Variants in GEMIN5 observed in about 807,000 individuals in gnomAD.
GEMIN5 encodes gem-associated protein 5.
In GEMIN5, 124 loss-of-function variants were observed where a neutral mutation model predicts 176.9. That is an observed-to-expected ratio of 0.70 (90% CI 0.61 to 0.81). GEMIN5 has a LOEUF of 0.81. Ranked by LOEUF, GEMIN5 falls within the 40% of genes least tolerant of loss-of-function variation. The pLI, the probability that GEMIN5 is intolerant of heterozygous loss-of-function variation, is 0.00. For missense variants in GEMIN5, 1,843 were observed against 1,814.6 expected, an observed-to-expected ratio of 1.02 and a Z score of -0.28; for synonymous variants, 673 against 665.2, an observed-to-expected ratio of 1.01 and a Z score of -0.18.
chr5:154,916,492 TTTTC>T (rs1404659969), intron 13 of GEMIN5, among the ~76,000 whole-genome samples: 4 of 152,068 alleles, frequency 2.6e-5, no homozygotes, highest in African/African-American at 7.2e-5. Context: ...CTTCATTTTT[TTTTC>T]TTTCTTTTTT....
chr5:154,932,388 C>T lies in GEMIN5; in HGVS notation c.510-138G>A, dbSNP rs564769044. The T allele has an allele frequency of 1.3e-5, 8 of 624,270 alleles. No homozygotes were observed. The South Asian group carries it at 1.4e-4, about 11-fold the overall frequency. 38.7% of individuals were successfully genotyped at this position (624,270 alleles called of 1,614,324 possible). A position where few individuals can be genotyped will look rare whatever the true frequency, so the allele number is the denominator to read the frequency against. On this transcript the variant is annotated intron_variant, in intron 3 of 27. Coordinates refer to ENST00000285873, the MANE Select transcript of GEMIN5 (RefSeq NM_015465.5). ...TGGGGTGGCGGAGGAGGGAAGAGGA[C>T]AAAAAATAATTTTGCTTTTTCCTTT...
intron 9 of GEMIN5, among the ~76,000 whole-genome samples, chr5:154,923,760 C>T (rs994863467): frequency 3.3e-5 from 5 of 152,184 alleles, no homozygotes; most frequent in African/African-American, 9.6e-5. Context: ...CCATTAGTCA[C>T]GGATGCCTCT....
In GEMIN5 at chr5:154,891,742, C is replaced by A. The variant is rs751878514; in HGVS notation, c.3761G>T (p.Gly1254Val). 6.4e-7 allele frequency: 1 copy of A among 1,573,614 alleles called. No homozygotes were observed. Among genetic ancestry groups the A allele is most frequent in the African/African-American group, 1.4e-5 (1 of 72,628 alleles). ...QEVYSAFLPD[G>V]CDHLRDKLGD... ...CAACTTGTCTCTTAGGTGGTCACAG[C>A]CTAGGAAAAGAGGAAAAAGATACTG... Residue 1254 changes from glycine (G) to valine (V), a missense_variant and splice_region_variant, in exon 26 of 28, where the codon GGC becomes GTC. Gly to Val is a moderately radical substitution (Grantham distance 109). Transcript: ENST00000285873.
At chr5:154,904,664 G>T in intron 17 of GEMIN5, 35 bp from the exon 18 acceptor site, 1 of 1,549,828 alleles carries the variant, frequency 6.5e-7, no homozygotes, top group Non-Finnish European at 8.9e-7. Context: ...ATCTGAAGGA[G>T]AACTGATCAG....
intron 16 of GEMIN5, among the ~76,000 whole-genome samples, chr5:154,906,585 A>T (rs1017571327): frequency 6.6e-6 from 1 of 152,200 alleles, no homozygotes; most frequent in Non-Finnish European, 1.5e-5. Context: ...AAAAAAAAGA[A>T]AAATAAAGAG....
chr5:154,893,237 G>A (rs1277810243), intron 24 of GEMIN5, among the ~76,000 whole-genome samples: 1 of 136,878 alleles, frequency 7.3e-6, no homozygotes, highest in African/African-American at 2.7e-5. Flanking sequence ...CGGATCACCC[G>A]AGGTGAAAGC....
intron 8 of GEMIN5, among the ~76,000 whole-genome samples, chr5:154,925,144 C>T (rs921152450): frequency 6.6e-6 from 1 of 151,788 alleles, no homozygotes; most frequent in Admixed American, 6.6e-5. Flanking sequence ...AGTTCAAATA[C>T]GTAAATGATA....
At chr5:154,922,516 C>T (rs1034922875) in intron 9 of GEMIN5, among the ~76,000 whole-genome samples, 1 of 152,072 alleles carries the variant, frequency 6.6e-6, no homozygotes, top group Admixed American at 6.6e-5. Context: ...CTAACAATAG[C>T]TCTAGGGCAA....
chr5:154,930,372 T>C (rs913264382), intron 5 of GEMIN5, among the ~76,000 whole-genome samples: 1 of 152,224 alleles, frequency 6.6e-6, no homozygotes, highest in African/African-American at 2.4e-5. Context: ...TAGAAGTACA[T>C]TGCCTTGCTG....
chr5:154,927,350 G>A (rs752241767), intron 7 of GEMIN5, 35 bp downstream of exon 7: 2 of 1,440,540 alleles, frequency 1.4e-6, no homozygotes, highest in East Asian at 4.6e-5. Flanking sequence ...GTAAACTGCT[G>A]CTCTACAATG....
At position 154,898,600 on chromosome 5, in the gene GEMIN5, T is replaced by C. The variant is rs753307822; in HGVS notation, c.3185A>G (p.Lys1062Arg). ...CGTTCTAAGTGATGCCGCATCCCCC[T>C]TTTTGGCCAAAACTTTGGCTGCATC... ...AYDAAKVLAK[K>R]GDAASLRTAA... The change falls in exon 23 of 28, where the codon AAG becomes AGG. Residue 1062 changes from lysine to arginine, a missense_variant. By Grantham distance (26) the Lys-to-Arg change is conservative. Coordinates refer to ENST00000285873, the MANE Select transcript of GEMIN5 (RefSeq NM_015465.5). 3.1e-6 allele frequency: 5 copies of C among 1,613,834 alleles called. No individual in the cohort carries two copies. In the East Asian group the frequency reaches 1.1e-4, roughly 36 times the overall value.
intron 15 of GEMIN5, among the ~76,000 whole-genome samples, chr5:154,910,534 C>T (rs1304803548): frequency 6.6e-6 from 1 of 152,134 alleles, no homozygotes; most frequent in South Asian, 2.1e-4. Context: ...AAACTCCTGG[C>T]CTCAAGTGAT....
intron 21 of GEMIN5, among the ~76,000 whole-genome samples, chr5:154,899,885 A>C (rs1763430129): frequency 6.6e-6 from 1 of 152,150 alleles, no homozygotes; most frequent in Non-Finnish European, 1.5e-5. Flanking sequence ...TGTATGAACA[A>C]ATTACAAGCT....
At chr5:154,909,072 C>A (rs1763636723) in intron 15 of GEMIN5, among the ~76,000 whole-genome samples, 1 of 151,960 alleles carries the variant, frequency 6.6e-6, no homozygotes, top group African/African-American at 2.4e-5. Flanking sequence ...AATCCTCCTG[C>A]CTCAGCCTCT....
chr5:154,905,715 T>G (rs1022761531), intron 16 of GEMIN5, among the ~76,000 whole-genome samples: 1 of 151,918 alleles, frequency 6.6e-6, no homozygotes, highest in African/African-American at 2.4e-5. Flanking sequence ...TTTTTTTTTT[T>G]TGAGACGAAG....
intron 26 of GEMIN5, 143 bp from the exon 27 acceptor site, chr5:154,889,560 A>C (rs1763183669): frequency 5.9e-6 from 3 of 506,586 alleles, no homozygotes; most frequent in Non-Finnish European, 1.1e-5. Flanking sequence ...CAGTGATTTT[A>C]AATAAATTCA....
At position 154,891,713 on chromosome 5, in the gene GEMIN5, C is replaced by A; in HGVS notation, c.3790G>T (p.Asp1264Tyr). Reference protein sequence around the residue: ...GCDHLRDKLGDHQSPATPAFK... With the variant: ...GCDHLRDKLGYHQSPATPAFK... ...GCTGGTGTGGCAGGGGATTGATGGT[C>A]CCCCAACTTGTCTCTTAGGTGGTCA... Residue 1264 changes from aspartate to tyrosine, a missense_variant, in exon 26 of 28, where the codon GAC becomes TAC. Physicochemically the swap from Asp to Tyr is radical, Grantham distance 160. Transcript: ENST00000285873. The A allele has an allele frequency of 6.2e-7, 1 of 1,603,914 alleles. No homozygotes were observed. The highest frequency in any genetic ancestry group is 1.1e-5 in the South Asian group (1 of 89,306).
intron 21 of GEMIN5, among the ~76,000 whole-genome samples, 161 bp from the exon 22 acceptor site, chr5:154,899,471 T>C (rs571893267): frequency 7.2e-5 from 11 of 152,350 alleles, no homozygotes; most frequent in Non-Finnish European, 1.5e-4. Flanking sequence ...ATTAGAAACA[T>C]ATGCTGCATT....
rs559798815 is a variant in GEMIN5, at chr5:154,908,328, G to A, written c.2168-510C>T. The stretch of plus-strand genomic sequence containing the variant: ...CCTGAGTAGCTGGGATTACAGGCAC[G>A]CACAACCACGCCCAGCTAATTTTTG... On this transcript the variant is annotated intron_variant, in intron 15 of 27. Coordinates refer to ENST00000285873, the MANE Select transcript of GEMIN5 (RefSeq NM_015465.5). Among the ~76,000 whole-genome samples the A allele has an allele frequency of 6.0e-4, 91 of 151,996 alleles. 1 individual carries two copies. In the South Asian group the frequency reaches 0.016, roughly 27 times the overall value.
Sources: gnomAD v4.1 joint callset for allele counts (sites outside exome capture counted in the v4.1 genomes callset) on GRCh38, gnomAD v4.1.1 for gene constraint, MANE v1.5 for transcripts, NCBI Gene and HGNC (gene_info 2026-07-23, HGNC 2026-07-21) for gene names.